The following ZMIZ1 variants were observed in gnomAD, a reference collection of about 807,000 sequenced individuals.
ZMIZ1 encodes the protein zinc finger MIZ-type containing 1, also known as zinc finger MIZ domain-containing protein 1.
A neutral mutation model predicts 113.9 loss-of-function variants in ZMIZ1; 17 were observed. That is an observed-to-expected ratio of 0.15 (90% CI 0.10 to 0.22). The LOEUF is 0.22. ZMIZ1 is among the 10% of genes least tolerant of loss of function. The pLI is 1.00. For synonymous variants in ZMIZ1, 607 were observed against 603.1 expected, an observed-to-expected ratio of 1.01 and a Z score of -0.09; for missense variants, 1,059 against 1,477.8, an observed-to-expected ratio of 0.72 and a Z score of 4.65.
Position 79,097,084 on chromosome 10 carries a change from T to C in ZMIZ1, c.-336-21831T>C, listed in dbSNP as rs529029076. Reference sequence around the variant, plus strand: ...TGAAACACGGTGGGCACCATGCATATCTTCCAGCTCCACTTGCCCCCGGGT... The same window carrying C: ...TGAAACACGGTGGGCACCATGCATACCTTCCAGCTCCACTTGCCCCCGGGT... On this transcript the variant is annotated intron_variant, in intron 1 of 24. Coordinates refer to ENST00000334512, the MANE Select transcript of ZMIZ1 (RefSeq NM_020338.4). Among the ~76,000 whole-genome samples, 4 of 152,306 alleles carry C rather than the reference T, an allele frequency of 2.6e-5. No homozygotes were observed. In the South Asian group the frequency reaches 8.3e-4, roughly 32 times the overall value.
intron 7 of ZMIZ1, among the ~76,000 whole-genome samples, chr10:79,259,157 C>A (rs1218516992): frequency 3.9e-5 from 6 of 152,154 alleles, no homozygotes; most frequent in African/African-American, 1.4e-4. Context: ...CCTGTCGAGC[C>A]AAACTTCCCA....
intron 1 of ZMIZ1, among the ~76,000 whole-genome samples, chr10:79,085,851 G>A (rs1379658514): frequency 2.6e-5 from 4 of 152,130 alleles, no homozygotes; most frequent in Admixed American, 1.3e-4. Context: ...TGCCTTTCCC[G>A]CCTACCACTG....
rs1476691974 is a variant in ZMIZ1 at position 79,221,672 on chromosome 10, C to A, written c.280+5398C>A. Among the ~76,000 whole-genome samples the A allele has an allele frequency of 2.0e-5, 3 of 152,240 alleles. No individual in the cohort carries two copies. In the East Asian group the frequency reaches 5.8e-4, roughly 29 times the overall value. ...ACCAAGCACCAGGCAGTCGCCATGT[C>A]GAGGTCCCCAAGAGCCTTCTGCCTG... On this transcript the variant is annotated intron_variant, in intron 7 of 24. Coordinates refer to ENST00000334512, the MANE Select transcript of ZMIZ1 (RefSeq NM_020338.4).
intron 4 of ZMIZ1, among the ~76,000 whole-genome samples, chr10:79,196,259 G>A (rs543412397): frequency 1.3e-5 from 2 of 152,264 alleles, no homozygotes; most frequent in East Asian, 1.9e-4. Context: ...TGTGGTCTGC[G>A]ATGTCCCTCC....
At chr10:79,272,975 CAG>C (rs1337580118) in intron 7 of ZMIZ1, among the ~76,000 whole-genome samples, 9 of 152,304 alleles carry the variant, frequency 5.9e-5, no homozygotes, top group Admixed American at 6.5e-5. Context: ...GAGAGGATGA[CAG>C]GGGATGGGGC....
chr10:79,291,976 C>T (rs543711482), intron 10 of ZMIZ1, among the ~76,000 whole-genome samples, 182 bp from the exon 11 acceptor site: 69 of 152,334 alleles, frequency 4.5e-4, no homozygotes, highest in African/African-American at 1.6e-3. Flanking sequence ...CCCAAGGGCT[C>T]CAGGAGCACA....
At chr10:79,218,920 A>C (rs1297006022) in intron 7 of ZMIZ1, among the ~76,000 whole-genome samples, 2 of 152,104 alleles carry the variant, frequency 1.3e-5, no homozygotes, top group Admixed American at 1.3e-4. Context: ...GGTCAGCAGC[A>C]GCGGAAACAT....
Position 79,088,287 on chromosome 10 carries a change from C to T in ZMIZ1, c.-337+19017C>T, listed in dbSNP as rs189156241. ...GCTTGGCTTCCTGGGAGAATTGGCT[C>T]GGCAACAGCAGCCTGGGCCAGGCCA... is the stretch of plus-strand genomic sequence containing the variant. On this transcript the variant is annotated intron_variant, in intron 1 of 24. Transcript: ENST00000334512. Among the ~76,000 whole-genome samples the T allele has an allele frequency of 7.0e-4, 106 of 152,318 alleles. 1 individual carries two copies. The highest frequency in any genetic ancestry group is 2.3e-3 in the African/African-American group (95 of 41,576).
intron 1 of ZMIZ1, among the ~76,000 whole-genome samples, chr10:79,099,033 G>C (rs1843264920): frequency 6.6e-6 from 1 of 152,192 alleles, no homozygotes; most frequent in Non-Finnish European, 1.5e-5. Flanking sequence ...CCAGAAGTGA[G>C]TCAGAATTTC....
intron 1 of ZMIZ1, among the ~76,000 whole-genome samples, chr10:79,108,454 C>T (rs1589279594): frequency 6.6e-6 from 1 of 152,146 alleles, no homozygotes; most frequent in African/African-American, 2.4e-5. Flanking sequence ...GAGAAGCTTT[C>T]AGCACTGGGG....
chr10:79,234,775 C>T (rs1452253214), intron 7 of ZMIZ1, among the ~76,000 whole-genome samples: 5 of 152,200 alleles, frequency 3.3e-5, no homozygotes, highest in Non-Finnish European at 5.9e-5. Context: ...CCGGCCTTTA[C>T]AGGGAATTAG....
intron 7 of ZMIZ1, among the ~76,000 whole-genome samples, chr10:79,237,276 C>T (rs2132810844): frequency 6.6e-6 from 1 of 152,274 alleles, no homozygotes; most frequent in Non-Finnish European, 1.5e-5. Flanking sequence ...GGCTCAGCCA[C>T]AAGGACTTGC....
intron 1 of ZMIZ1, among the ~76,000 whole-genome samples, chr10:79,110,391 A>G (rs1843696312): frequency 6.6e-6 from 1 of 152,234 alleles, no homozygotes; most frequent in African/African-American, 2.4e-5. Flanking sequence ...TGGTGCATTA[A>G]TACCACACTA....
At chr10:79,292,393 A>G in intron 11 of ZMIZ1, 37 bp downstream of exon 11, 1 of 1,584,420 alleles carries the variant, frequency 6.3e-7, no homozygotes, top group Non-Finnish European at 8.6e-7. Flanking sequence ...AGCCTTGCCC[A>G]GCCAGCCAGG....
intron 3 of ZMIZ1, among the ~76,000 whole-genome samples, chr10:79,141,556 C>T (rs1845270886): frequency 6.6e-6 from 1 of 152,126 alleles, no homozygotes; most frequent in Admixed American, 6.5e-5. Flanking sequence ...TACAGGCACA[C>T]ACCATCATGC....
intron 7 of ZMIZ1, among the ~76,000 whole-genome samples, chr10:79,255,749 C>CA (rs1850851581): frequency 6.6e-6 from 1 of 152,126 alleles, no homozygotes; most frequent in African/African-American, 2.4e-5. Flanking sequence ...GGCTCCAACT[C>CA]ACAGAAATAA....
chr10:79,305,640 G>A, intron 21 of ZMIZ1, 39 bp downstream of exon 21: 1 of 1,600,378 alleles, frequency 6.2e-7, no homozygotes, highest in South Asian at 1.1e-5. Context: ...GGTGGGAGGG[G>A]ACGAGGCCTG....
At chr10:79,257,370 G>C (rs900869114) in intron 7 of ZMIZ1, among the ~76,000 whole-genome samples, 1 of 152,246 alleles carries the variant, frequency 6.6e-6, no homozygotes, top group Admixed American at 6.5e-5. Flanking sequence ...GAGGGCCTCA[G>C]TTGTGCTGTC....
At chr10:79,286,397 C>T (rs970884346) in intron 8 of ZMIZ1, among the ~76,000 whole-genome samples, 3 of 152,240 alleles carry the variant, frequency 2.0e-5, no homozygotes, top group African/African-American at 4.8e-5. Context: ...GCCTTCTCTG[C>T]GACAGCAGGA....
Sources: gnomAD v4.1 joint callset for allele counts (sites outside exome capture counted in the v4.1 genomes callset) on GRCh38, gnomAD v4.1.1 for gene constraint, MANE v1.5 for transcripts, NCBI Gene and HGNC (gene_info 2026-07-23, HGNC 2026-07-21) for gene names.